SORBS2: variants seen among roughly 807,000 people sequenced by gnomAD.
SORBS2 encodes sorbin and SH3 domain containing 2, also known as sorbin and SH3 domain-containing protein 2.
In SORBS2, 46 loss-of-function variants were observed where a neutral mutation model predicts 97.7. The ratio of observed to expected loss-of-function variants is 0.47; its 90% confidence interval spans 0.37 to 0.60. The LOEUF (loss-of-function observed/expected upper bound fraction) is 0.60, where lower values mean the gene tolerates loss of function less well. Among genes scored for constraint, SORBS2 ranks in the 20% least tolerant of loss-of-function variants. SORBS2 has a pLI of 0.00. For missense variants in SORBS2, 1,316 were observed against 1,282.3 expected, an observed-to-expected ratio of 1.03 and a Z score of -0.40; for synonymous variants, 476 against 473.4, an observed-to-expected ratio of 1.01 and a Z score of -0.07.
At chr4:185,778,257 A>G (rs1354386252) in intron 1 of SORBS2, among the ~76,000 whole-genome samples, 1 of 152,210 alleles carries the variant, frequency 6.6e-6, no homozygotes, top group Non-Finnish European at 1.5e-5. Context: ...GAAGCTTCGT[A>G]AAAACAGATT....
intron 2 of SORBS2, among the ~76,000 whole-genome samples, chr4:185,733,558 T>C (rs143785993): frequency 2.0e-5 from 3 of 152,272 alleles, no homozygotes; most frequent in South Asian, 2.1e-4. Context: ...AGGTGTGTGC[T>C]TGGGGATAAG....
intron 1 of SORBS2, among the ~76,000 whole-genome samples, chr4:185,875,232 A>C (rs7674855): frequency 6.6e-6 from 1 of 151,930 alleles, no homozygotes; most frequent in Non-Finnish European, 1.5e-5. Context: ...TGCAAATTGC[A>C]AACAGAGTAC....
chr4:185,935,921 G>T (rs143543976), intron 1 of SORBS2, among the ~76,000 whole-genome samples: 1 of 152,210 alleles, frequency 6.6e-6, no homozygotes, highest in South Asian at 2.1e-4. Flanking sequence ...GTATGATCTC[G>T]GCTCACTGCA....
At chr4:185,948,227 C>G (rs913224073) in intron 1 of SORBS2, among the ~76,000 whole-genome samples, 1 of 152,130 alleles carries the variant, frequency 6.6e-6, no homozygotes, top group East Asian at 1.9e-4. Context: ...GCAGACCATC[C>G]TGGTTTAAGC....
Position 185,729,917 on chromosome 4 carries a change from G to A in SORBS2, c.-198+45310C>T, listed in dbSNP as rs150832473. ...GTGTATTGTAATTTACTTATTTACTGTCTAATTCCTTCTGTAGCTAGTGAA... is the reference window on the plus strand; with the variant it reads ...GTGTATTGTAATTTACTTATTTACTATCTAATTCCTTCTGTAGCTAGTGAA... On this transcript the variant is annotated intron_variant, in intron 2 of 20. Coordinates refer to the SORBS2 transcript ENST00000284776. Among the ~76,000 whole-genome samples the A allele has an allele frequency of 2.9e-3, 444 of 152,206 alleles. 6 individuals carry two copies. Among genetic ancestry groups the A allele is most frequent in the African/African-American group, 9.4e-3 (390 of 41,534 alleles).
intron 1 of SORBS2, among the ~76,000 whole-genome samples, chr4:185,911,677 C>T (rs1195116917): frequency 2.0e-5 from 3 of 152,152 alleles, no homozygotes; most frequent in African/African-American, 7.2e-5. Context: ...CAGGTGGCAG[C>T]GGTGACAGAC....
chr4:185,726,169 G>T (rs374664510), intron 2 of SORBS2, among the ~76,000 whole-genome samples: 1 of 152,066 alleles, frequency 6.6e-6, no homozygotes, highest in Admixed American at 6.6e-5. Context: ...TGTTTTATTC[G>T]TTGAGATTAC....
chr4:185,794,422 A>G (rs1395348292), intron 1 of SORBS2, among the ~76,000 whole-genome samples: 1 of 152,190 alleles, frequency 6.6e-6, no homozygotes, highest in African/African-American at 2.4e-5. Context: ...TTAAATTTAC[A>G]TTTTTAAGGC....
chr4:185,602,459 G>A (rs1009260537), intron 12 of SORBS2, among the ~76,000 whole-genome samples: 2 of 152,146 alleles, frequency 1.3e-5, no homozygotes, highest in African/African-American at 2.4e-5. Flanking sequence ...GAACTTTTAC[G>A]TTTATGGAAG....
chr4:185,805,502 A>T (rs1354252962), intron 1 of SORBS2, among the ~76,000 whole-genome samples: 1 of 152,198 alleles, frequency 6.6e-6, no homozygotes, highest in African/African-American at 2.4e-5. Context: ...CTGCCATTCT[A>T]AAGCGAGTCA....
At chr4:185,758,697 C>A (rs1039528738) in intron 2 of SORBS2, among the ~76,000 whole-genome samples, 2 of 152,212 alleles carry the variant, frequency 1.3e-5, no homozygotes, top group Non-Finnish European at 2.9e-5. Flanking sequence ...AGTGCAAAAG[C>A]CTCAACCTCT....
At chr4:185,873,896 TC>T (rs1387199433) in intron 1 of SORBS2, among the ~76,000 whole-genome samples, 1 of 152,136 alleles carries the variant, frequency 6.6e-6, no homozygotes, top group Non-Finnish European at 1.5e-5. Flanking sequence ...TAATGTGATT[TC>T]CCCCTTATTT....
intron 1 of SORBS2, among the ~76,000 whole-genome samples, chr4:185,885,410 C>G (rs950205652): frequency 2.6e-5 from 4 of 152,200 alleles, no homozygotes; most frequent in African/African-American, 9.6e-5. Flanking sequence ...GAAGGCTTAA[C>G]TCAGAGTGCA....
At chr4:185,929,092 TC>T (rs1328208641) in intron 1 of SORBS2, among the ~76,000 whole-genome samples, 3 of 152,214 alleles carry the variant, frequency 2.0e-5, no homozygotes, top group Non-Finnish European at 4.4e-5. Context: ...TTGGATGTAA[TC>T]TTTTTCCACC....
chr4:185,809,238 T>C (rs768404754), intron 1 of SORBS2, among the ~76,000 whole-genome samples: 11 of 151,736 alleles, frequency 7.2e-5, no homozygotes, highest in Non-Finnish European at 1.6e-4. Flanking sequence ...ACAAAGTACT[T>C]TAGAATCAGA....
chr4:185,670,152 G>A (rs1474083769), intron 4 of SORBS2, among the ~76,000 whole-genome samples: 1 of 151,920 alleles, frequency 6.6e-6, no homozygotes, highest in Non-Finnish European at 1.5e-5. Flanking sequence ...CTGGGAGGTG[G>A]AGGTTGCAGT....
At chr4:185,731,323 C>T (rs1250890208) in intron 2 of SORBS2, among the ~76,000 whole-genome samples, 1 of 152,194 alleles carries the variant, frequency 6.6e-6, no homozygotes, top group Non-Finnish European at 1.5e-5. Context: ...CTTGTCTCTA[C>T]TTGCCAAAAT....
intron 1 of SORBS2, among the ~76,000 whole-genome samples, chr4:185,951,211 G>A (rs1427928772): frequency 6.6e-6 from 1 of 152,144 alleles, no homozygotes; most frequent in Non-Finnish European, 1.5e-5. Flanking sequence ...GGCACATCAG[G>A]GAAAACATAC....
chr4:185,933,278 A>T (rs192237030), intron 1 of SORBS2: 1 of 152,348 alleles, frequency 6.6e-6, no homozygotes, highest in East Asian at 1.9e-4. Context: ...CAGCAGTTCT[A>T]GAGTATCGCT....
Sources: gnomAD v4.1 joint callset for allele counts (sites outside exome capture counted in the v4.1 genomes callset) on GRCh38, gnomAD v4.1.1 for gene constraint, MANE v1.5 for transcripts, NCBI Gene and HGNC (gene_info 2026-07-23, HGNC 2026-07-21) for gene names.